The following COL5A1 variants were observed in gnomAD, a reference collection of about 807,000 sequenced individuals.
COL5A1 encodes collagen type V alpha 1 chain, also known as collagen alpha-1(V) chain.
In COL5A1, 16 loss-of-function variants were observed where a neutral mutation model predicts 263.7. The ratio of observed to expected loss-of-function variants is 0.06; its 90% confidence interval spans 0.04 to 0.09. The LOEUF (loss-of-function observed/expected upper bound fraction) is 0.09. Ranked by LOEUF, COL5A1 falls within the 10% of genes least tolerant of loss-of-function variation. The probability of loss-of-function intolerance (pLI) is 1.00; values close to 1 mark genes in which losing one functional copy is unlikely to be tolerated. For missense variants in COL5A1, 2,036 were observed against 2,540.5 expected (o/e 0.80, Z 4.27); for synonymous variants, 1,012 against 1,004.5 (o/e 1.01, Z -0.14).
chr9:134,736,629 TAC>T (rs1835108304), intron 9 of COL5A1, among the ~76,000 whole-genome samples: 2 of 152,336 alleles, frequency 1.3e-5, no homozygotes, highest in South Asian at 4.1e-4. Flanking sequence ...CCTTCTCACA[TAC>T]AGTTTACATT....
intron 7 of COL5A1, 142 bp downstream of exon 7, chr9:134,730,617 C>A: frequency 8.6e-7 from 1 of 1,166,212 alleles, no homozygotes; most frequent in Non-Finnish European, 1.2e-6. Context: ...ACACCCTGGC[C>A]CTGGGCCCTT....
chr9:134,729,168 G>C (rs1834770644), intron 6 of COL5A1, among the ~76,000 whole-genome samples: 1 of 152,216 alleles, frequency 6.6e-6, no homozygotes, highest in Admixed American at 6.5e-5. Context: ...TGGGAGAGGA[G>C]AGAGGAGAGC....
rs372229914 is a variant in COL5A1 at position 134,687,627 on chromosome 9, C to T, written c.110-3285C>T. 6.4e-4 allele frequency among the ~76,000 whole-genome samples: 97 copies of T among 152,308 alleles called. 2 individuals carry two copies. The South Asian group carries it at 0.019, about 31-fold the overall frequency. ...GCATCAGATGGTCGGTCTCAGGAAC[C>T]TCTGGGCACAGCTGCATGGTCCTTC... On this transcript the variant is annotated intron_variant, in intron 1 of 65. Coordinates refer to ENST00000371817, the MANE Select transcript of COL5A1 (RefSeq NM_000093.5).
At position 134,717,252 on chromosome 9, in the gene COL5A1, C is replaced by G. The variant is rs1019481689; in HGVS notation, c.655-10014C>G. ...CTCTGGCAGTGTCTGTCAGAATCCG[C>G]CGGGCCCAGCGGGAGGGAAGCCCCG... On this transcript the variant is annotated intron_variant, in intron 4 of 65. Transcript: ENST00000371817. Among the ~76,000 whole-genome samples the G allele has an allele frequency of 2.7e-5, 4 of 145,834 alleles. No individual in the cohort carries two copies. In the East Asian group the frequency reaches 9.5e-4, roughly 35 times the overall value.
rs376028908 is a variant in COL5A1 at position 134,704,248 on chromosome 9, G to A, written c.654+2915G>A. On this transcript the variant is annotated intron_variant, in intron 4 of 65. Transcript: ENST00000371817. ...CTTCGGTGAGTTGTCTGACCGCTCC[G>A]AGACTCAGTTTCCCCATCTGTAAAA... Among the ~76,000 whole-genome samples the A allele has an allele frequency of 8.3e-4, 126 of 152,092 alleles. No individual in the cohort carries two copies. The Middle Eastern group carries it at 0.024, about 29-fold the overall frequency.
At chr9:134,721,139 T>A (rs186747470) in intron 4 of COL5A1, among the ~76,000 whole-genome samples, 87 of 152,204 alleles carry the variant, frequency 5.7e-4, no homozygotes, top group African/African-American at 2.0e-3. Flanking sequence ...AGTCTAGTGA[T>A]GGACACAGGT....
intron 11 of COL5A1, among the ~76,000 whole-genome samples, chr9:134,744,045 C>G (rs565468241): frequency 1.3e-5 from 2 of 152,312 alleles, no homozygotes; most frequent in South Asian, 4.1e-4. Flanking sequence ...TCACTGGCAA[C>G]TTGACAGAGT....
rs868061456 is a variant in COL5A1 at position 134,730,368 on chromosome 9, G to C, written c.1057G>C (p.Asp353His). 3 of 1,614,102 alleles carry C rather than the reference G, an allele frequency of 1.9e-6. No homozygotes were observed. The highest frequency in any genetic ancestry group is 1.1e-5 in the South Asian group (1 of 91,090). ...SEDYYTPSPY[D>H]DLTYGEGEEN... ...GGACTACTACACGCCCTCACCGTAT[G>C]ATGACCTCACCTATGGCGAGGGGGA... Residue 353 changes from aspartate to histidine, a missense_variant, in exon 7 of 66, where the codon GAT (aspartate) becomes CAT (histidine). Transcript: ENST00000371817.
intron 1 of COL5A1, among the ~76,000 whole-genome samples, chr9:134,674,193 G>A (rs934104252): frequency 2.6e-5 from 4 of 152,064 alleles, no homozygotes; most frequent in Admixed American, 1.3e-4. Flanking sequence ...TGAAACATGC[G>A]TCCATACAGA....
intron 13 of COL5A1, 42 bp downstream of exon 13, chr9:134,750,924 C>T: frequency 1.3e-6 from 2 of 1,548,922 alleles, no homozygotes; most frequent in South Asian, 1.1e-5. Context: ...GGGGACAGAG[C>T]CCAGCCCCAG....
At chr9:134,786,593 A>T (rs151315489) in intron 31 of COL5A1, among the ~76,000 whole-genome samples, 1 of 152,128 alleles carries the variant, frequency 6.6e-6, no homozygotes, top group African/African-American at 2.4e-5. Flanking sequence ...TTTGAAGGCT[A>T]TTTGCTCATA....
intron 42 of COL5A1, among the ~76,000 whole-genome samples, chr9:134,807,585 G>A (rs937451789): frequency 3.3e-4 from 50 of 152,306 alleles, no homozygotes; most frequent in African/African-American, 1.2e-3. Context: ...GAGCCACTGC[G>A]CCCAGCCAGA....
At chr9:134,824,508 G>A (rs2132883060) in intron 61 of COL5A1, 92 bp from the exon 62 acceptor site, 1 of 1,545,974 alleles carries the variant, frequency 6.5e-7, no homozygotes, top group Non-Finnish European at 8.8e-7. Context: ...GGGAACCCCT[G>A]CAGATGTGGC....
chr9:134,814,662 GC>G (rs1418870914), intron 49 of COL5A1, 134 bp from the exon 50 acceptor site: 1 of 730,892 alleles, frequency 1.4e-6, no homozygotes, highest in African/African-American at 1.7e-5. Flanking sequence ...CGACCTGGCA[GC>G]CAGCCCCCTG....
At chr9:134,658,005 G>A (rs1350479787) in intron 1 of COL5A1, among the ~76,000 whole-genome samples, 1 of 151,988 alleles carries the variant, frequency 6.6e-6, no homozygotes, top group Non-Finnish European at 1.5e-5. Flanking sequence ...GCACGGAGAT[G>A]CTGCTGGCTA....
chr9:134,772,993 G>A (rs768890548), intron 26 of COL5A1, among the ~76,000 whole-genome samples, 159 bp downstream of exon 26: 1 of 152,090 alleles, frequency 6.6e-6, no homozygotes, highest in African/African-American at 2.4e-5. Context: ...CCCAGCCTGG[G>A]GGGGACACAG....
rs1839114274 is a variant in COL5A1, at chr9:134,823,527, A to G, written c.4698+58A>G. 7.7e-6 allele frequency: 12 copies of G among 1,567,808 alleles called. No homozygotes were observed. In the South Asian group the frequency reaches 1.3e-4, roughly 17 times the overall value. On this transcript the variant is annotated intron_variant, in intron 61 of 65. Coordinates refer to ENST00000371817, the MANE Select transcript of COL5A1 (RefSeq NM_000093.5). ...GGGGGCTCTGGCTAGCTCCGAGGGA[A>G]TTGAGAAAGCAACTGTGTGTGTGTG... is the stretch of plus-strand genomic sequence containing the variant.
At chr9:134,646,680 G>A (rs1023042243) in intron 1 of COL5A1, among the ~76,000 whole-genome samples, 4 of 152,178 alleles carry the variant, frequency 2.6e-5, no homozygotes, top group African/African-American at 9.6e-5. Context: ...CTGGCACAGT[G>A]AGCCCAGTCT....
intron 1 of COL5A1, among the ~76,000 whole-genome samples, chr9:134,667,398 A>T (rs1382734752): frequency 6.6e-6 from 1 of 152,182 alleles, no homozygotes; most frequent in African/African-American, 2.4e-5. Flanking sequence ...GGGACAAAGG[A>T]TGTGACAGCA....
Sources: gnomAD v4.1 joint callset for allele counts (sites outside exome capture counted in the v4.1 genomes callset) on GRCh38, gnomAD v4.1.1 for gene constraint, MANE v1.5 for transcripts, NCBI Gene and HGNC (gene_info 2026-07-23, HGNC 2026-07-21) for gene names.